The following PSD3 variants were observed in gnomAD, a reference collection of about 807,000 sequenced individuals.
The protein encoded by PSD3 is pleckstrin and Sec7 domain containing 3, also known as PH and SEC7 domain-containing protein 3.
PSD3 carries 49 observed loss-of-function variants against 105.5 expected under a neutral mutation model. The observed-to-expected ratio is 0.46, with a 90% CI of 0.37 to 0.59. PSD3 has a LOEUF of 0.59. Among genes scored for constraint, PSD3 ranks in the 20% least tolerant of loss-of-function variants. The pLI, the probability that PSD3 is intolerant of heterozygous loss-of-function variation, is 0.00. For missense variants in PSD3, 1,561 were observed against 1,263.8 expected, an observed-to-expected ratio of 1.24 and a Z score of -3.57; for synonymous variants, 557 against 457.8, an observed-to-expected ratio of 1.22 and a Z score of -2.77.
At chr8:18,646,960 G>A (rs1808082221) in intron 10 of PSD3, among the ~76,000 whole-genome samples, 1 of 152,126 alleles carries the variant, frequency 6.6e-6, no homozygotes. Context: ...TGGGTTGAAT[G>A]AACAATCAAG....
intron 1 of PSD3, among the ~76,000 whole-genome samples, chr8:18,980,501 A>G (rs1032245320): frequency 2.6e-5 from 4 of 152,150 alleles, no homozygotes; most frequent in African/African-American, 9.7e-5. Flanking sequence ...ACAATCTTTT[A>G]TCTTTTAATT....
At chr8:18,621,892 C>T (rs540664680) in intron 11 of PSD3, among the ~76,000 whole-genome samples, 12 of 152,306 alleles carry the variant, frequency 7.9e-5, no homozygotes, top group African/African-American at 2.6e-4. Flanking sequence ...CAATGTTACA[C>T]GATAGCAAAG....
chr8:18,570,777 TTC>T (rs1324160682), intron 14 of PSD3, among the ~76,000 whole-genome samples: 1 of 151,980 alleles, frequency 6.6e-6, no homozygotes, highest in Non-Finnish European at 1.5e-5. Context: ...TTCTAACAAT[TTC>T]TCATATTGTA....
chr8:18,738,816 C>T (rs1157723262), intron 9 of PSD3, among the ~76,000 whole-genome samples: 1 of 151,456 alleles, frequency 6.6e-6, no homozygotes, highest in Admixed American at 6.6e-5. Context: ...TATACCACAC[C>T]CGCTCCGAAA....
intron 8 of PSD3, among the ~76,000 whole-genome samples, chr8:18,768,434 A>G (rs1480350996): frequency 6.6e-6 from 1 of 152,060 alleles, no homozygotes; most frequent in Non-Finnish European, 1.5e-5. Context: ...CCCTCTCTAG[A>G]AACAATATGA....
At chr8:18,559,100 CAT>C (rs951961566) in intron 14 of PSD3, among the ~76,000 whole-genome samples, 13 of 152,114 alleles carry the variant, frequency 8.5e-5, no homozygotes, top group East Asian at 1.9e-4. Flanking sequence ...CATTCTTACA[CAT>C]GTCTCCTAGG....
intron 4 of PSD3, among the ~76,000 whole-genome samples, chr8:18,851,410 A>G (rs2129452519): frequency 6.6e-6 from 1 of 152,366 alleles, no homozygotes; most frequent in South Asian, 2.1e-4. Context: ...GCCTCCGGCC[A>G]GCTAAACAAT....
At chr8:18,599,574 G>A (rs1004873743) in intron 12 of PSD3, among the ~76,000 whole-genome samples, 1 of 152,136 alleles carries the variant, frequency 6.6e-6, no homozygotes, top group South Asian at 2.1e-4. Flanking sequence ...GACCCCCAGT[G>A]GACGCCTGAA....
At chr8:18,573,929 A>G (rs1045816422) in intron 13 of PSD3, among the ~76,000 whole-genome samples, 8 of 152,178 alleles carry the variant, frequency 5.3e-5, no homozygotes, top group African/African-American at 1.7e-4. Context: ...CAAACTGGTG[A>G]TATTTTATGG....
chr8:18,825,370 G>A (rs1268326706), intron 4 of PSD3, among the ~76,000 whole-genome samples: 1 of 152,132 alleles, frequency 6.6e-6, no homozygotes, highest in Non-Finnish European at 1.5e-5. Flanking sequence ...ACATGGCCAG[G>A]TACCACCCCC....
chr8:18,914,853 A>T (rs1820479026), intron 2 of PSD3, among the ~76,000 whole-genome samples: 1 of 152,210 alleles, frequency 6.6e-6, no homozygotes, highest in Non-Finnish European at 1.5e-5. Context: ...TGGAAGAACA[A>T]TTCTAAAATT....
intron 12 of PSD3, among the ~76,000 whole-genome samples, chr8:18,590,115 G>T (rs1344608516): frequency 6.6e-6 from 1 of 152,104 alleles, no homozygotes; most frequent in Non-Finnish European, 1.5e-5. Flanking sequence ...TTTAAATAAA[G>T]ATCTGGGTGG....
At chr8:18,803,013 C>T (rs925842449) in intron 6 of PSD3, 9 of 153,192 alleles carry the variant, frequency 5.9e-5, no homozygotes, top group East Asian at 5.8e-4. Flanking sequence ...GGGCTAGGTG[C>T]GGTGGCTCAC....
intron 2 of PSD3, among the ~76,000 whole-genome samples, chr8:18,926,854 G>C (rs1193497481): frequency 6.6e-6 from 1 of 151,984 alleles, no homozygotes; most frequent in African/African-American, 2.4e-5. Flanking sequence ...TGAGGGCTTG[G>C]TCCCTCTACC....
chr8:18,736,931 T>C lies in PSD3; in HGVS notation c.2172+28518A>G, dbSNP rs368905912. ...AATGCTAACATTAAAAACAAAATGCTGCTTTTCAAATATAGAGAGATGATT... is the reference window on the plus strand; with the variant it reads ...AATGCTAACATTAAAAACAAAATGCCGCTTTTCAAATATAGAGAGATGATT... On this transcript the variant is annotated intron_variant, in intron 9 of 15. Coordinates refer to ENST00000327040, the MANE Select transcript of PSD3 (RefSeq NM_015310.4). 1.1e-4 allele frequency among the ~76,000 whole-genome samples: 17 copies of C among 152,238 alleles called. 1 individual carries two copies. In the East Asian group the frequency reaches 1.2e-3, roughly 10 times the overall value.
At chr8:18,965,969 C>T (rs1382429024) in intron 1 of PSD3, among the ~76,000 whole-genome samples, 4 of 152,186 alleles carry the variant, frequency 2.6e-5, no homozygotes, top group African/African-American at 7.2e-5. Context: ...CTAAAATGAT[C>T]TCATTAATCC....
At chr8:18,732,259 T>C (rs974151838) in intron 9 of PSD3, among the ~76,000 whole-genome samples, 2 of 152,064 alleles carry the variant, frequency 1.3e-5, no homozygotes, top group South Asian at 2.1e-4. Flanking sequence ...AAAATACTGA[T>C]TGTAGATGGA....
chr8:18,970,793 A>T (rs189706588), intron 1 of PSD3, among the ~76,000 whole-genome samples: 2 of 152,106 alleles, frequency 1.3e-5, no homozygotes, highest in Admixed American at 1.3e-4. Context: ...TGTCTCTACT[A>T]AAAATACAGA....
chr8:18,806,215 C>T (rs1035400129), intron 4 of PSD3, among the ~76,000 whole-genome samples: 3 of 152,074 alleles, frequency 2.0e-5, no homozygotes, highest in Admixed American at 1.3e-4. Flanking sequence ...AGTTTGGTGC[C>T]GCTGCCTTAA....
Sources: gnomAD v4.1 joint callset for allele counts (sites outside exome capture counted in the v4.1 genomes callset) on GRCh38, gnomAD v4.1.1 for gene constraint, MANE v1.5 for transcripts, NCBI Gene and HGNC (gene_info 2026-07-23, HGNC 2026-07-21) for gene names.